LIN7A: variants seen among roughly 807,000 people sequenced by gnomAD.
LIN7A encodes the protein protein lin-7 homolog A.
Under a neutral mutation model 29.8 loss-of-function variants are expected in LIN7A, and 25 were observed. The ratio of observed to expected loss-of-function variants is 0.84; its 90% CI spans 0.61 to 1.17. The LOEUF (loss-of-function observed/expected upper bound fraction) is 1.17, where lower values mean the gene tolerates loss of function less well. LIN7A is among the 50% of genes most tolerant of loss of function. The pLI is 0.00. For missense variants in LIN7A, 239 were observed against 287.0 expected, an observed-to-expected ratio of 0.83 and a Z score of 1.21; for synonymous variants, 118 against 107.5, an observed-to-expected ratio of 1.10 and a Z score of -0.60.
intron 1 of LIN7A, among the ~76,000 whole-genome samples, chr12:80,920,222 A>C (rs1208732557): frequency 2.0e-5 from 3 of 152,184 alleles, no homozygotes; most frequent in Non-Finnish European, 2.9e-5. Context: ...AACTTCACTT[A>C]TGGATGCTGA....
intron 4 of LIN7A, among the ~76,000 whole-genome samples, chr12:80,813,533 C>T (rs1871395134): frequency 6.6e-6 from 1 of 152,042 alleles, no homozygotes; most frequent in Admixed American, 6.6e-5. Flanking sequence ...GGCACACATA[C>T]TTATAAGATA....
chr12:80,847,753 G>T (rs1873144846), intron 3 of LIN7A, among the ~76,000 whole-genome samples: 1 of 152,126 alleles, frequency 6.6e-6, no homozygotes, highest in African/African-American at 2.4e-5. Flanking sequence ...TACCACAAAA[G>T]GTGACAGGCG....
chr12:80,901,298 C>A (rs1359149856), intron 1 of LIN7A, among the ~76,000 whole-genome samples: 2 of 152,118 alleles, frequency 1.3e-5, no homozygotes, highest in African/African-American at 4.8e-5. Flanking sequence ...GGTGAAAAAA[C>A]AGAACACCTT....
chr12:80,813,728 T>C (rs978553710), intron 4 of LIN7A, among the ~76,000 whole-genome samples: 2 of 152,114 alleles, frequency 1.3e-5, no homozygotes, highest in Non-Finnish European at 2.9e-5. Context: ...AGAAGAAAGT[T>C]GTAATTAGAC....
At position 80,811,575 on chromosome 12, in the gene LIN7A, C is replaced by G; in HGVS notation, c.592G>C (p.Ala198Pro). ...GCTGTTCGTAGCTTTTCAAAGCGAG[C>G]CTCCATTTCTTCCAGAACTTTTGGG... ...YTPKVLEEMEARFEKLRTARR... is the reference protein window; with the variant it reads ...YTPKVLEEMEPRFEKLRTARR... The change falls in exon 5 of 6, where the codon GCT becomes CCT. Residue 198 changes from alanine to proline, a missense_variant. Coordinates refer to ENST00000552864, the MANE Select transcript of LIN7A (RefSeq NM_004664.4). 1.9e-6 allele frequency: 3 copies of G among 1,614,120 alleles called. No homozygotes were observed. Among genetic ancestry groups the G allele is most frequent in the Non-Finnish European group, 2.5e-6 (3 of 1,180,022 alleles).
intron 4 of LIN7A, among the ~76,000 whole-genome samples, chr12:80,831,416 A>G (rs551127068): frequency 6.6e-6 from 1 of 152,312 alleles, no homozygotes; most frequent in African/African-American, 2.4e-5. Context: ...ACATTCCTAT[A>G]AATAATTGAT....
At chr12:80,910,107 G>A (rs145248010) in intron 1 of LIN7A, among the ~76,000 whole-genome samples, 153 of 152,194 alleles carry the variant, frequency 1.0e-3, no homozygotes, top group African/African-American at 3.4e-3. Flanking sequence ...TGCACATATT[G>A]TGTTAAATCT....
intron 4 of LIN7A, among the ~76,000 whole-genome samples, chr12:80,843,469 T>G (rs1456410764): frequency 6.6e-6 from 1 of 152,200 alleles, no homozygotes; most frequent in Non-Finnish European, 1.5e-5. Context: ...AGTCGAACAC[T>G]GCCTTCTTGC....
chr12:80,927,459 A>G (rs964619382), intron 1 of LIN7A, among the ~76,000 whole-genome samples: 2 of 152,132 alleles, frequency 1.3e-5, no homozygotes, highest in Middle Eastern at 3.4e-3. Context: ...ACAGTAAATT[A>G]TTTTCTAAGG....
At chr12:80,898,505 T>C (rs1876029623) in intron 1 of LIN7A, among the ~76,000 whole-genome samples, 1 of 152,292 alleles carries the variant, frequency 6.6e-6, no homozygotes, top group South Asian at 2.1e-4. Flanking sequence ...AAATAGTTTT[T>C]TTTTTCTAAT....
intron 2 of LIN7A, among the ~76,000 whole-genome samples, chr12:80,882,345 C>T (rs1355985169): frequency 8.7e-6 from 1 of 115,190 alleles, no homozygotes; most frequent in South Asian, 2.9e-4. Context: ...AGTGCAGTGG[C>T]GGGATCTCGG....
chr12:80,903,719 C>A (rs1183697711), intron 1 of LIN7A, among the ~76,000 whole-genome samples: 4 of 151,644 alleles, frequency 2.6e-5, no homozygotes, highest in African/African-American at 9.7e-5. Context: ...ATTGCTGGAT[C>A]AAATAGTAGT....
intron 2 of LIN7A, among the ~76,000 whole-genome samples, chr12:80,865,080 C>T (rs571315607): frequency 6.6e-6 from 1 of 152,284 alleles, no homozygotes; most frequent in Admixed American, 6.5e-5. Flanking sequence ...GTCAGCATAG[C>T]TCAGCATTAA....
At chr12:80,927,630 T>A (rs1180162074) in intron 1 of LIN7A, among the ~76,000 whole-genome samples, 2 of 152,208 alleles carry the variant, frequency 1.3e-5, no homozygotes, top group Non-Finnish European at 2.9e-5. Context: ...AAACCTCTTA[T>A]ATGACAAATA....
chr12:80,935,939 A>G (rs1878192436), intron 1 of LIN7A: 1 of 273,228 alleles, frequency 3.7e-6, no homozygotes, highest in African/African-American at 2.1e-5. Context: ...TTGTATTATT[A>G]GTAGTAGTGG....
At chr12:80,893,455 T>G (rs1349892551) in intron 1 of LIN7A, among the ~76,000 whole-genome samples, 1 of 152,164 alleles carries the variant, frequency 6.6e-6, no homozygotes, top group Admixed American at 6.5e-5. Flanking sequence ...AAAAATATTG[T>G]TCAAAAAAGA....
At chr12:80,877,982 C>T (rs1874803541) in intron 2 of LIN7A, among the ~76,000 whole-genome samples, 1 of 152,072 alleles carries the variant, frequency 6.6e-6, no homozygotes, top group Non-Finnish European at 1.5e-5. Flanking sequence ...ATACAAAATA[C>T]AACTTCTCCA....
Position 80,873,806 on chromosome 12 carries a change from A to G in LIN7A, c.201+15445T>C, listed in dbSNP as rs370187659. Among the ~76,000 whole-genome samples, 7 of 142,572 alleles carry G rather than the reference A, an allele frequency of 4.9e-5. No individual in the cohort carries two copies. The East Asian group carries it at 1.5e-3, about 30-fold the overall frequency. The allele number at this position is 142,572 out of a possible 152,430, so 93.5% of individuals were successfully genotyped here. The stretch of plus-strand genomic sequence containing the variant: ...TATTCTAAGGTAAATGGTATCTTAT[A>G]TTTTTTTTATTGTTTGGTTGGTTAC... On this transcript the variant is annotated intron_variant, in intron 2 of 5. Transcript: ENST00000552864.
intron 1 of LIN7A, among the ~76,000 whole-genome samples, chr12:80,897,089 T>A (rs181363703): frequency 7.9e-5 from 12 of 152,320 alleles, no homozygotes; most frequent in African/African-American, 1.7e-4. Flanking sequence ...CTGTTTTTTT[T>A]AAAATCCTTC....
Sources: allele counts gnomAD v4.1 joint callset (sites outside exome capture counted in the v4.1 genomes callset), GRCh38; gene constraint gnomAD v4.1.1; transcripts MANE v1.5; gene names NCBI Gene and HGNC (gene_info 2026-07-23, HGNC 2026-07-21).